Variants in CFTR observed in about 807,000 individuals in gnomAD.
The protein encoded by CFTR is CF transmembrane conductance regulator, also known as cystic fibrosis transmembrane conductance regulator.
A neutral mutation model predicts 171.6 loss-of-function variants in CFTR; 181 were observed. The observed-to-expected ratio is 1.05, with a 90% CI of 0.93 to 1.19. The LOEUF is 1.19. Among genes scored for constraint, CFTR ranks in the 50% most tolerant of loss-of-function variants. The pLI, the probability that CFTR is intolerant of heterozygous loss-of-function variation, is 0.00. For missense variants in CFTR, 1,968 were observed against 1,734.7 expected, an observed-to-expected ratio of 1.13 and a Z score of -2.39; for synonymous variants, 583 against 608.0, an observed-to-expected ratio of 0.96 and a Z score of 0.60.
At chr7:117,515,613 T>C (rs1337585476) in intron 3 of CFTR, among the ~76,000 whole-genome samples, 6 of 152,164 alleles carry the variant, frequency 3.9e-5, no homozygotes, top group Non-Finnish European at 8.8e-5. Context: ...TCTTTTTGCT[T>C]AGGATTGTCT....
chr7:117,488,589 A>G (rs1798109541), intron 1 of CFTR, among the ~76,000 whole-genome samples: 2 of 152,134 alleles, frequency 1.3e-5, no homozygotes, highest in South Asian at 2.1e-4. Flanking sequence ...TGTGTCTTGC[A>G]TTTTCCCAGG....
intron 9 of CFTR, among the ~76,000 whole-genome samples, chr7:117,546,112 G>A: frequency 6.6e-6 from 1 of 152,064 alleles, no homozygotes; most frequent in South Asian, 2.1e-4. Flanking sequence ...TCCTGCCTCA[G>A]CCTCCTGAGT....
In CFTR at chr7:117,603,726, A is replaced by C. The variant is rs1354277990; in HGVS notation, c.2852A>C (p.Lys951Thr). The C allele has an allele frequency of 1.2e-6, 2 of 1,613,906 alleles. No individual in the cohort carries two copies. Among genetic ancestry groups the C allele is most frequent in the South Asian group, 2.2e-5 (2 of 91,082 alleles). Reference sequence around the variant, plus strand: ...ACAGTGTCGAAAATTTTACACCACAAAATGTTACATTCTGTTCTTCAAGCA... The same window carrying C: ...ACAGTGTCGAAAATTTTACACCACACAATGTTACATTCTGTTCTTCAAGCA... ...LITVSKILHH[K>T]MLHSVLQAPM... The change falls in exon 17 of 27, where the codon AAA becomes ACA. Residue 951 changes from lysine (K) to threonine (T), a missense_variant. Coordinates refer to ENST00000003084, the MANE Select transcript of CFTR (RefSeq NM_000492.4).
Position 117,614,611 on chromosome 7 carries a change from A to G in CFTR, c.3368-2A>G, listed in dbSNP as rs755416052. Reference sequence around the variant, plus strand: ...TCATTTACGTCTTTTGTGCATCTATAGGAGAAGGAGAAGGAAGAGTTGGTA... The same window carrying G: ...TCATTTACGTCTTTTGTGCATCTATGGGAGAAGGAGAAGGAAGAGTTGGTA... On this transcript the variant is annotated splice_acceptor_variant, in intron 20 of 26. Transcript: ENST00000003084. LOFTEE classifies it high-confidence loss of function. 2 of 1,594,472 alleles carry G rather than the reference A, an allele frequency of 1.3e-6. No homozygotes were observed. The highest frequency in any genetic ancestry group is 3.3e-5 in the Admixed American group (2 of 59,916).
chr7:117,607,675 T>C (rs1020166153), intron 18 of CFTR, among the ~76,000 whole-genome samples: 2 of 152,184 alleles, frequency 1.3e-5, no homozygotes, highest in African/African-American at 4.8e-5. Context: ...CTGTATTTGA[T>C]TGAACATATA....
rs1280815915 is a variant in CFTR at position 117,531,103 on chromosome 7, A to G, written c.478A>G (p.Ile160Val). 10 of 1,612,106 alleles carry G rather than the reference A, an allele frequency of 6.2e-6. No homozygotes were observed. Among genetic ancestry groups the G allele is most frequent in the Non-Finnish European group, 8.5e-6 (10 of 1,178,812 alleles). The change falls in exon 4 of 27, where the codon ATT becomes GTT. Residue 160 changes from isoleucine to valine, a missense_variant. By Grantham distance (29) the Ile-to-Val change is conservative. Coordinates refer to ENST00000003084, the MANE Select transcript of CFTR (RefSeq NM_000492.4). ...MQMRIAMFSL[I>V]YKKTLKLSSR... The stretch of plus-strand genomic sequence containing the variant: ...GATGAGAATAGCTATGTTTAGTTTG[A>G]TTTATAAGAAGGTAATACTTCCTTG...
chr7:117,538,232 T>C (rs1427916984), intron 7 of CFTR, among the ~76,000 whole-genome samples: 1 of 152,278 alleles, frequency 6.6e-6, no homozygotes, highest in Non-Finnish European at 1.5e-5. Flanking sequence ...AGAATTCACA[T>C]CAAAGGAGTG....
intron 2 of CFTR, among the ~76,000 whole-genome samples, chr7:117,505,641 G>A (rs1562883165): frequency 6.6e-6 from 1 of 152,130 alleles, no homozygotes; most frequent in Non-Finnish European, 1.5e-5. Context: ...CTTACCCCTT[G>A]GGCCACTCAT....
In CFTR at chr7:117,592,556, G is replaced by A. The variant is rs2116033376; in HGVS notation, c.2389G>A (p.Ala797Thr). 6.6e-7 allele frequency: 1 copy of A among 1,519,566 alleles called. No individual in the cohort carries two copies. The highest frequency in any genetic ancestry group is 8.8e-7 in the Non-Finnish European group (1 of 1,136,380). The allele number at this position is 1,519,566 out of a possible 1,614,324, so 94.1% of individuals were successfully genotyped here. ...TTASTRKVSL[A>T]PQANLTELDI... ...AGCATCCACACGAAAAGTGTCACTGGCCCCTCAGGCAAACTTGACTGAACT... is the reference window on the plus strand; with the variant it reads ...AGCATCCACACGAAAAGTGTCACTGACCCCTCAGGCAAACTTGACTGAACT... Residue 797 changes from alanine (A) to threonine (T), a missense_variant, in exon 14 of 27, where the codon GCC becomes ACC. Coordinates refer to ENST00000003084, the MANE Select transcript of CFTR (RefSeq NM_000492.4).
rs777904861 is a variant in CFTR at position 117,606,743 on chromosome 7, A to G, written c.2978A>G (p.Asp993Gly). The G allele has an allele frequency of 6.4e-7, 1 of 1,565,766 alleles. No individual in the cohort carries two copies. Among genetic ancestry groups the G allele is most frequent in the Non-Finnish European group, 8.8e-7 (1 of 1,136,402 alleles). Residue 993 changes from aspartate (D) to glycine (G), a missense_variant, in exon 18 of 27, where the codon GAC becomes GGC. Physicochemically the swap from Asp to Gly is moderately conservative, Grantham distance 94. Coordinates refer to ENST00000003084, the MANE Select transcript of CFTR (RefSeq NM_000492.4). ...GACCTTCTGCCTCTTACCATATTTGACTTCATCCAGGTATGTAAAAATAAG... is the reference window on the plus strand; with the variant it reads ...GACCTTCTGCCTCTTACCATATTTGGCTTCATCCAGGTATGTAAAAATAAG... Reference protein sequence around the residue: ...LDDLLPLTIFDFIQLLLIVIG... With the variant: ...LDDLLPLTIFGFIQLLLIVIG...
At chr7:117,507,196 A>G (rs1584775554) in intron 2 of CFTR, among the ~76,000 whole-genome samples, 1 of 152,284 alleles carries the variant, frequency 6.6e-6, no homozygotes, top group African/African-American at 2.4e-5. Context: ...GGTGCTAACA[A>G]TTTGTGGCAC....
intron 18 of CFTR, among the ~76,000 whole-genome samples, chr7:117,610,288 A>G (rs895541511): frequency 1.3e-5 from 2 of 149,396 alleles, no homozygotes; most frequent in Non-Finnish European, 3.0e-5. Context: ...CTAATGCTAG[A>G]TGACGAGTTA....
intron 10 of CFTR, among the ~76,000 whole-genome samples, chr7:117,554,333 C>A (rs1015899136): frequency 6.6e-6 from 1 of 152,078 alleles, no homozygotes; most frequent in African/African-American, 2.4e-5. Context: ...ATAAGTTGAA[C>A]AATGGCATAT....
In CFTR at chr7:117,535,525, A is replaced by ATTTTT. The variant is rs764945997; in HGVS notation, c.743+132_743+136dup. ...GAACAGTGATCTTCAGTGTCATTAA[A>ATTTTT]TTTTTTTTTTTTTTTTTTTTTTGAG... On this transcript the variant is annotated intron_variant, in intron 6 of 26. Coordinates refer to ENST00000003084, the MANE Select transcript of CFTR (RefSeq NM_000492.4). The ATTTTT allele has an allele frequency of 8.2e-4, 411 of 500,162 alleles. 3 individuals are homozygous for ATTTTT. The African/African-American group carries it at 8.8e-3, about 11-fold the overall frequency. The allele number at this position is 500,162 out of a possible 1,614,324, so 31.0% of individuals were successfully genotyped here.
In CFTR at chr7:117,603,781, A is replaced by G. The variant is rs377502207; in HGVS notation, c.2907A>G (p.Ala969=). 6.2e-6 allele frequency: 10 copies of G among 1,613,720 alleles called. No homozygotes were observed. Among genetic ancestry groups the G allele is most frequent in the Non-Finnish European group, 6.8e-6 (8 of 1,179,886 alleles). Residue 969 remains alanine (A), a splice_region_variant and synonymous_variant, in exon 17 of 27, where the codon GCA becomes GCG. Transcript: ENST00000003084. Reference sequence around the variant, plus strand: ...TGTCAACCCTCAACACGTTGAAAGCAGGTACTTTACTAGGTCTAAGAAATG... The same window carrying G: ...TGTCAACCCTCAACACGTTGAAAGCGGGTACTTTACTAGGTCTAAGAAATG... ...APMSTLNTLK[A]GGILNRFSKD... is the part of the protein sequence containing the mutation.
intron 11 of CFTR, chr7:117,564,742 A>C (rs1791573763): frequency 6.0e-6 from 1 of 167,030 alleles, no homozygotes; most frequent in Admixed American, 6.5e-5. Context: ...AATGTCTGCA[A>C]AGCACTTGCG....
At chr7:117,618,632 T>C (rs913874529) in intron 21 of CFTR, among the ~76,000 whole-genome samples, 2 of 152,202 alleles carry the variant, frequency 1.3e-5, no homozygotes, top group African/African-American at 2.4e-5. Context: ...AACATAATTA[T>C]AGAATATCTT....
chr7:117,566,112 A>G (rs181339865), intron 11 of CFTR, among the ~76,000 whole-genome samples: 1 of 152,266 alleles, frequency 6.6e-6, no homozygotes, highest in Admixed American at 6.5e-5. Flanking sequence ...ATTTGCATTC[A>G]GTAGCCAAGA....
intron 11 of CFTR, among the ~76,000 whole-genome samples, chr7:117,560,479 ATCT>A (rs1185889135): frequency 1.3e-5 from 2 of 152,106 alleles, no homozygotes; most frequent in African/African-American, 4.8e-5. Context: ...CCTTTATATA[ATCT>A]TTTATGAAAA....
Sources: gnomAD v4.1 joint callset for allele counts (sites outside exome capture counted in the v4.1 genomes callset) on GRCh38, gnomAD v4.1.1 for gene constraint, MANE v1.5 for transcripts, NCBI Gene and HGNC (gene_info 2026-07-23, HGNC 2026-07-21) for gene names.